The following SMOC2 variants were observed in gnomAD, a reference collection of about 807,000 sequenced individuals.
SMOC2 encodes the protein SPARC related modular calcium binding 2.
A neutral mutation model predicts 61.4 loss-of-function variants in SMOC2; 39 were observed. That is an observed-to-expected ratio of 0.64 (90% CI 0.49 to 0.83). The LOEUF is 0.83. SMOC2 is among the 40% of genes least tolerant of loss of function. The probability of loss-of-function intolerance (pLI) is 0.00; values close to 1 mark genes in which losing one functional copy is unlikely to be tolerated. For missense variants in SMOC2, 556 were observed against 592.9 expected, an observed-to-expected ratio of 0.94 and a Z score of 0.65; for synonymous variants, 247 against 239.9, an observed-to-expected ratio of 1.03 and a Z score of -0.27.
intron 9 of SMOC2, among the ~76,000 whole-genome samples, chr6:168,630,652 G>A (rs572805762): frequency 5.8e-4 from 88 of 152,286 alleles, no homozygotes; most frequent in African/African-American, 2.0e-3. Flanking sequence ...CCGGTGAGCC[G>A]GGTGGAACAG....
At chr6:168,461,223 A>T (rs962049264) in intron 1 of SMOC2, among the ~76,000 whole-genome samples, 3 of 152,196 alleles carry the variant, frequency 2.0e-5, no homozygotes, top group African/African-American at 7.2e-5. Context: ...TGTGAGACGT[A>T]TTCACTATCA....
chr6:168,450,292 G>A (rs972383832), intron 1 of SMOC2, among the ~76,000 whole-genome samples: 20 of 152,182 alleles, frequency 1.3e-4, no homozygotes, highest in African/African-American at 4.8e-4. Context: ...TTTGTTCTAA[G>A]GAGAATTCCT....
intron 7 of SMOC2, among the ~76,000 whole-genome samples, chr6:168,556,730 T>C (rs1784261216): frequency 6.9e-6 from 1 of 144,242 alleles, no homozygotes; most frequent in African/African-American, 2.6e-5. Flanking sequence ...CTCCTAATGC[T>C]ATCCCTCCCC....
chr6:168,579,977 G>C (rs915194478), intron 7 of SMOC2, among the ~76,000 whole-genome samples: 1 of 152,218 alleles, frequency 6.6e-6, no homozygotes, highest in African/African-American at 2.4e-5. Flanking sequence ...GGACACCGGG[G>C]AGGATACAGA....
rs187530677 is a variant in SMOC2, at chr6:168,570,552, T to G, written c.637+21349T>G. Among the ~76,000 whole-genome samples the G allele has an allele frequency of 2.0e-5, 3 of 152,296 alleles. No individual in the cohort carries two copies. In the East Asian group the frequency reaches 5.8e-4, roughly 29 times the overall value. ...TTGTGTGTGGGATATATTTCACCTC[T>G]TTTGAAAAGTGTTGTCCATCTTTGA... On this transcript the variant is annotated intron_variant, in intron 7 of 12. Coordinates refer to ENST00000356284, the MANE Select transcript of SMOC2 (RefSeq NM_001166412.2).
intron 1 of SMOC2, among the ~76,000 whole-genome samples, chr6:168,474,870 T>C (rs1161855614): frequency 6.6e-6 from 1 of 152,180 alleles, no homozygotes; most frequent in East Asian, 1.9e-4. Flanking sequence ...TGAAGTGCCA[T>C]AAAGAGGTTT....
intron 1 of SMOC2, among the ~76,000 whole-genome samples, chr6:168,460,954 AAC>A (rs1221936250): frequency 6.6e-6 from 1 of 152,194 alleles, no homozygotes; most frequent in Admixed American, 6.5e-5. Context: ...CTCAGCTCTA[AAC>A]ACAGAGGTTC....
rs62424675 is a variant in SMOC2 at position 168,519,199 on chromosome 6, G to A, written c.257-7147G>A. 4.0e-3 allele frequency among the ~76,000 whole-genome samples: 557 copies of A among 139,276 alleles called. 5 individuals carry two copies. The highest frequency in any genetic ancestry group is 0.034 in the East Asian group (161 of 4,762). The allele number at this position is 139,276 out of a possible 152,430, so 91.4% of individuals were successfully genotyped here. ...TGAGTATGCGTGCATGTGTATGTGT[G>A]TGTATGCATGCGTGTGTGAGAGAGT... On this transcript the variant is annotated intron_variant, in intron 2 of 12. Transcript: ENST00000356284.
At position 168,597,529 on chromosome 6, in the gene SMOC2, C is replaced by T. The variant is rs78765202; in HGVS notation, c.638-1289C>T. On this transcript the variant is annotated intron_variant, in intron 7 of 12. Coordinates refer to ENST00000356284, the MANE Select transcript of SMOC2 (RefSeq NM_001166412.2). Reference sequence around the variant, plus strand: ...TTTCTGCTGGGCTGTGATGTGGACGCACCACACCAGCTATGGCAGTGCTGA... The same window carrying T: ...TTTCTGCTGGGCTGTGATGTGGACGTACCACACCAGCTATGGCAGTGCTGA... Among the ~76,000 whole-genome samples, 407 of 152,334 alleles carry T rather than the reference C, an allele frequency of 2.7e-3. 11 individuals carry two copies. The East Asian group carries it at 0.063, about 24-fold the overall frequency.
chr6:168,488,530 G>A (rs1026882348), intron 1 of SMOC2, among the ~76,000 whole-genome samples: 17 of 152,316 alleles, frequency 1.1e-4, no homozygotes, highest in African/African-American at 3.4e-4. Context: ...CAGTCTGCAG[G>A]GTGCGTCCAT....
At chr6:168,519,368 C>T (rs953750409) in intron 2 of SMOC2, among the ~76,000 whole-genome samples, 2 of 152,204 alleles carry the variant, frequency 1.3e-5, no homozygotes, top group Non-Finnish European at 2.9e-5. Flanking sequence ...TTTTCTTCTT[C>T]CAGCAGACAC....
At chr6:168,479,104 G>T (rs113929701) in intron 1 of SMOC2, among the ~76,000 whole-genome samples, 1 of 148,080 alleles carries the variant, frequency 6.8e-6, no homozygotes, top group Non-Finnish European at 1.5e-5. Flanking sequence ...AAGGAGTCAG[G>T]AACGTTGAAT....
At chr6:168,455,203 C>T (rs1781556443) in intron 1 of SMOC2, among the ~76,000 whole-genome samples, 1 of 152,132 alleles carries the variant, frequency 6.6e-6, no homozygotes, top group African/African-American at 2.4e-5. Flanking sequence ...CTGGCTCTGA[C>T]CCTTCAGTTG....
At chr6:168,651,561 A>T (rs961521675) in intron 10 of SMOC2, among the ~76,000 whole-genome samples, 5 of 152,076 alleles carry the variant, frequency 3.3e-5, no homozygotes, top group African/African-American at 1.2e-4. Context: ...TTCTTTCTTT[A>T]GAATGTTGGC....
At chr6:168,465,126 G>A (rs535957956) in intron 1 of SMOC2, among the ~76,000 whole-genome samples, 10 of 152,368 alleles carry the variant, frequency 6.6e-5, no homozygotes, top group African/African-American at 2.2e-4. Flanking sequence ...CTGCTGCCTT[G>A]TTTAATCCAT....
At chr6:168,574,220 C>G (rs916331952) in intron 7 of SMOC2, among the ~76,000 whole-genome samples, 1 of 152,198 alleles carries the variant, frequency 6.6e-6, no homozygotes, top group Non-Finnish European at 1.5e-5. Flanking sequence ...GGTGTGGCAG[C>G]GCTGGGAGGG....
At chr6:168,642,748 G>A (rs1199120071) in intron 9 of SMOC2, among the ~76,000 whole-genome samples, 1 of 152,140 alleles carries the variant, frequency 6.6e-6, no homozygotes, top group Non-Finnish European at 1.5e-5. Flanking sequence ...GGCACTTTAT[G>A]AATCTCAAAA....
Position 168,544,962 on chromosome 6 carries a change from G to C in SMOC2, c.511+1290G>C, listed in dbSNP as rs907056444. Among the ~76,000 whole-genome samples the C allele has an allele frequency of 3.3e-5, 5 of 152,148 alleles. No individual in the cohort carries two copies. Among genetic ancestry groups the C allele is most frequent in the African/African-American group, 1.2e-4 (5 of 41,430 alleles). ...CAGAAGAAGCCTCACAGTCAAGGAA[G>C]ATAGCTCATTTTCCAGCCGAAAAAT... On this transcript the variant is annotated intron_variant, in intron 5 of 12. Transcript: ENST00000356284. The surrounding 1 kb of genome is among the most constrained non-coding windows in gnomAD (Gnocchi z 4.1).
In SMOC2 at chr6:168,452,738, A is replaced by T. The variant is rs753790806; in HGVS notation, c.84+11284A>T. Among the ~76,000 whole-genome samples, 8 of 152,166 alleles carry T rather than the reference A, an allele frequency of 5.3e-5. No individual in the cohort carries two copies. Among genetic ancestry groups the T allele is most frequent in the Non-Finnish European group, 1.2e-4 (8 of 68,032 alleles). Reference sequence around the variant, plus strand: ...ATTCCTAGTCCCTTCCCTCATTTCTACTACCTTTTAATTTCGTTTTGTTTT... The same window carrying T: ...ATTCCTAGTCCCTTCCCTCATTTCTTCTACCTTTTAATTTCGTTTTGTTTT... On this transcript the variant is annotated intron_variant, in intron 1 of 12. Coordinates refer to ENST00000356284, the MANE Select transcript of SMOC2 (RefSeq NM_001166412.2). This position sits in a 1 kb window ranked among gnomAD's most constrained non-coding sequence, Gnocchi z 5.0.
Sources: gnomAD v4.1 joint callset for allele counts (sites outside exome capture counted in the v4.1 genomes callset) on GRCh38, gnomAD v4.1.1 for gene constraint, Gnocchi (gnomAD v3.1) non-coding constraint, MANE v1.5 for transcripts, NCBI Gene and HGNC (gene_info 2026-07-23, HGNC 2026-07-21) for gene names.